Variants in RALYL observed in about 807,000 individuals in gnomAD.
RALYL encodes the protein RNA-binding Raly-like protein.
In RALYL, 29 loss-of-function variants were observed where a neutral mutation model predicts 35.1. That is an observed-to-expected ratio of 0.83 (90% CI 0.61 to 1.13). The LOEUF is 1.13. RALYL is among the 50% of genes most tolerant of loss of function. The probability of loss-of-function intolerance (pLI) is 0.00; values close to 1 mark genes in which losing one functional copy is unlikely to be tolerated. For synonymous variants in RALYL, 120 were observed against 127.6 expected (o/e 0.94, Z 0.40); for missense variants, 359 against 360.4 (o/e 1.00, Z 0.03).
chr8:84,463,198 A>G (rs1051606839), intron 1 of RALYL, among the ~76,000 whole-genome samples: 26 of 152,008 alleles, frequency 1.7e-4, no homozygotes, highest in East Asian at 1.4e-3. Context: ...TCACTTGTCT[A>G]TGCTCCTCTC....
intron 2 of RALYL, among the ~76,000 whole-genome samples, chr8:84,619,420 G>T (rs1290851412): frequency 1.3e-5 from 2 of 148,620 alleles, no homozygotes; most frequent in Non-Finnish European, 3.0e-5. Flanking sequence ...TGCAACCCCT[G>T]CCTTTTTTTG....
intron 2 of RALYL, among the ~76,000 whole-genome samples, chr8:84,668,063 G>A (rs1467314476): frequency 3.9e-5 from 6 of 151,966 alleles, no homozygotes; most frequent in Non-Finnish European, 8.8e-5. Context: ...TTTCTCCATG[G>A]CTTACCTCCT....
intron 2 of RALYL, among the ~76,000 whole-genome samples, chr8:84,561,266 GAA>G (rs1564148175): frequency 6.6e-6 from 1 of 151,962 alleles, no homozygotes; most frequent in East Asian, 1.9e-4. Flanking sequence ...CATATAAATG[GAA>G]TCTTAAAAAA....
At chr8:84,576,769 T>C (rs1323644003) in intron 2 of RALYL, among the ~76,000 whole-genome samples, 2 of 152,208 alleles carry the variant, frequency 1.3e-5, no homozygotes, top group African/African-American at 4.8e-5. Flanking sequence ...TTCTCAATAA[T>C]TGTAATAGTT....
chr8:84,864,945 A>C, intron 6 of RALYL: 1 of 225,076 alleles, frequency 4.4e-6, no homozygotes, highest in Admixed American at 5.5e-5. Flanking sequence ...TATTCTATTC[A>C]TTTCATATAG....
intron 2 of RALYL, among the ~76,000 whole-genome samples, chr8:84,653,382 G>A (rs1038949014): frequency 4.0e-5 from 6 of 151,880 alleles, no homozygotes; most frequent in African/African-American, 7.3e-5. Context: ...TGCAATGCAC[G>A]TACACACACA....
intron 1 of RALYL, among the ~76,000 whole-genome samples, chr8:84,303,940 G>A (rs1313441647): frequency 6.6e-6 from 1 of 150,992 alleles, no homozygotes; most frequent in African/African-American, 2.4e-5. Context: ...AAACTAATGG[G>A]AACTTTCTCT....
chr8:84,255,769 C>T (rs976135317), intron 1 of RALYL, among the ~76,000 whole-genome samples: 16 of 152,066 alleles, frequency 1.1e-4, no homozygotes, highest in Admixed American at 5.2e-4. Context: ...TCTGTGTTTA[C>T]ATGCACTTAT....
chr8:84,883,226 T>G (rs1482267184), intron 7 of RALYL, among the ~76,000 whole-genome samples: 2 of 152,042 alleles, frequency 1.3e-5, no homozygotes, highest in Admixed American at 1.3e-4. Context: ...ATATAGGATT[T>G]TTTGCAATGA....
intron 1 of RALYL, among the ~76,000 whole-genome samples, chr8:84,409,672 A>G (rs1449650716): frequency 6.6e-6 from 1 of 152,006 alleles, no homozygotes; most frequent in Non-Finnish European, 1.5e-5. Flanking sequence ...TTTCCATCGT[A>G]TACTCCTCTT....
intron 1 of RALYL, among the ~76,000 whole-genome samples, chr8:84,278,484 T>C (rs1340578849): frequency 1.3e-5 from 2 of 152,350 alleles, no homozygotes; most frequent in East Asian, 1.9e-4. Context: ...TATGCAAATT[T>C]CTGCAGCTGG....
At chr8:84,915,585 TGA>T (rs1848341413) in intron 8 of RALYL, among the ~76,000 whole-genome samples, 1 of 152,118 alleles carries the variant, frequency 6.6e-6, no homozygotes, top group African/African-American at 2.4e-5. Context: ...CTGTATCATT[TGA>T]GATAGACAAG....
chr8:84,643,550 A>G (rs1826844404), intron 2 of RALYL, among the ~76,000 whole-genome samples: 1 of 152,056 alleles, frequency 6.6e-6, no homozygotes, highest in African/African-American at 2.4e-5. Context: ...AGCAGCCAGC[A>G]TTCACAGGCA....
intron 2 of RALYL, among the ~76,000 whole-genome samples, chr8:84,610,699 G>C (rs1014302758): frequency 6.6e-6 from 1 of 152,040 alleles, no homozygotes. Context: ...GCATTTATAA[G>C]TTTATTAAAC....
intron 1 of RALYL, among the ~76,000 whole-genome samples, chr8:84,288,942 A>T: frequency 6.6e-6 from 1 of 152,186 alleles, no homozygotes; most frequent in African/African-American, 2.4e-5. Flanking sequence ...ATTTAAAGCT[A>T]TCACAATAGG....
intron 4 of RALYL, among the ~76,000 whole-genome samples, chr8:84,842,457 G>A (rs1232122419): frequency 2.6e-5 from 4 of 152,188 alleles, no homozygotes; most frequent in Non-Finnish European, 5.9e-5. Flanking sequence ...AACAGGCTCT[G>A]AAATTGAGGC....
intron 1 of RALYL, among the ~76,000 whole-genome samples, chr8:84,449,121 TC>T (rs2049176267): frequency 6.6e-6 from 1 of 151,382 alleles, no homozygotes; most frequent in South Asian, 2.1e-4. Context: ...CAAAGTGATC[TC>T]CTCTCAGGAC....
chr8:84,769,589 T>C (rs1358048316), intron 2 of RALYL, among the ~76,000 whole-genome samples: 4 of 151,990 alleles, frequency 2.6e-5, no homozygotes, highest in Non-Finnish European at 5.9e-5. Flanking sequence ...GGTGAAACCC[T>C]GTCTCTGCTA....
chr8:84,290,541 G>A (rs1838576681), intron 1 of RALYL, among the ~76,000 whole-genome samples: 1 of 152,146 alleles, frequency 6.6e-6, no homozygotes, highest in African/African-American at 2.4e-5. Context: ...TTTGAGCCAG[G>A]ATGAGCCAGG....
Sources: gnomAD v4.1 joint callset for allele counts (sites outside exome capture counted in the v4.1 genomes callset) on GRCh38, gnomAD v4.1.1 for gene constraint, MANE v1.5 for transcripts, NCBI Gene and HGNC (gene_info 2026-07-23, HGNC 2026-07-21) for gene names.